RFX4: variants seen among roughly 807,000 people sequenced by gnomAD.
RFX4 encodes transcription factor RFX4.
RFX4 carries 10 observed loss-of-function variants against 95.0 expected under a neutral mutation model. The observed-to-expected ratio is 0.11, with a 90% CI of 0.06 to 0.18. The LOEUF (loss-of-function observed/expected upper bound fraction) is 0.18. RFX4 is among the 10% of genes least tolerant of loss of function. The pLI is 1.00. For missense variants in RFX4, 640 were observed against 922.0 expected, an observed-to-expected ratio of 0.69 and a Z score of 3.96; for synonymous variants, 321 against 340.7, an observed-to-expected ratio of 0.94 and a Z score of 0.64.
In RFX4 at chr12:106,682,096, A is replaced by G. The variant is rs200667832; in HGVS notation, c.377+42A>G. On this transcript the variant is annotated intron_variant, in intron 5 of 17. Transcript: ENST00000392842. ...CATTCCACCTGCAGAGCGCACATCT[A>G]TGGGCCTCGAGACAGGCCACACCCT... The G allele has an allele frequency of 6.7e-4, 1,078 of 1,603,568 alleles. 9 individuals carry two copies. The South Asian group carries it at 9.4e-3, about 14-fold the overall frequency.
At chr12:106,753,377 G>A (rs2043047183) in intron 17 of RFX4, among the ~76,000 whole-genome samples, 1 of 152,110 alleles carries the variant, frequency 6.6e-6, no homozygotes, top group South Asian at 2.1e-4. Flanking sequence ...ATTCCTGAAA[G>A]TACCACCTTG....
chr12:106,704,227 T>C (rs1295969336), intron 8 of RFX4, among the ~76,000 whole-genome samples: 5 of 152,178 alleles, frequency 3.3e-5, no homozygotes, highest in Non-Finnish European at 5.9e-5. Flanking sequence ...CTAGGGACTA[T>C]GCTAGTTCCT....
intron 8 of RFX4, among the ~76,000 whole-genome samples, chr12:106,699,937 T>C (rs1157229857): frequency 1.3e-5 from 2 of 152,150 alleles, no homozygotes; most frequent in Non-Finnish European, 1.5e-5. Flanking sequence ...TGTTTTCTAT[T>C]AGTTTCATCA....
intron 11 of RFX4, among the ~76,000 whole-genome samples, chr12:106,715,802 C>T (rs1250479353): frequency 6.6e-6 from 1 of 152,172 alleles, no homozygotes; most frequent in East Asian, 1.9e-4. Flanking sequence ...AAGGGCCCCA[C>T]ATGTGACCTG....
intron 3 of RFX4, among the ~76,000 whole-genome samples, chr12:106,645,310 C>G (rs1466920549): frequency 6.6e-6 from 1 of 152,056 alleles, no homozygotes; most frequent in East Asian, 1.9e-4. Context: ...GCAGCCTGTT[C>G]CGCAGTCCCG....
intron 17 of RFX4, among the ~76,000 whole-genome samples, chr12:106,753,391 C>A (rs1490931774): frequency 6.6e-6 from 1 of 152,110 alleles, no homozygotes; most frequent in Non-Finnish European, 1.5e-5. Flanking sequence ...CACCTTGAGT[C>A]CTCCAGGACC....
chr12:106,732,955 G>A lies in RFX4; in HGVS notation c.1503G>A (p.Glu501=), dbSNP rs752272678. ...TCCGAGAAGAGATCATCTTGACAGA[G>A]GCTGCCGCACCAACCCCTTCACCAG... The part of the protein sequence containing the change: ...AEVREEIILT[E]AAAPTPSPVP... Residue 501 remains glutamate (E), a synonymous_variant, in exon 15 of 18, where the codon GAG becomes GAA. Transcript: ENST00000392842. 12 of 1,614,074 alleles carry A rather than the reference G, an allele frequency of 7.4e-6. 1 individual carries two copies. In the South Asian group the frequency reaches 9.9e-5, roughly 13 times the overall value.
At chr12:106,625,320 T>C (rs1354088267) in intron 2 of RFX4, among the ~76,000 whole-genome samples, 1 of 152,234 alleles carries the variant, frequency 6.6e-6, no homozygotes, top group Non-Finnish European at 1.5e-5. Context: ...GATATGGGAC[T>C]GATATTTTTT....
intron 17 of RFX4, among the ~76,000 whole-genome samples, chr12:106,754,307 T>G (rs1177638221): frequency 6.6e-6 from 1 of 152,220 alleles, no homozygotes; most frequent in Non-Finnish European, 1.5e-5. Flanking sequence ...ATCCACTGCA[T>G]GACTGAGAAC....
Position 106,732,957 on chromosome 12 carries a change from C to A in RFX4, c.1505C>A (p.Ala502Asp). The A allele has an allele frequency of 3.7e-6, 6 of 1,614,172 alleles. No individual in the cohort carries two copies. The highest frequency in any genetic ancestry group is 5.1e-6 in the Non-Finnish European group (6 of 1,180,018). Residue 502 changes from alanine (A) to aspartate (D), a missense_variant, in exon 15 of 18, where the codon GCT becomes GAT. Around this residue, in one of 7 missense-constraint regions of RFX4, gnomAD observed 300 missense variants for 346.8 expected, o/e 0.87. Coordinates refer to ENST00000392842, the MANE Select transcript of RFX4 (RefSeq NM_213594.3). ...CGAGAAGAGATCATCTTGACAGAGG[C>A]TGCCGCACCAACCCCTTCACCAGTG... ...EVREEIILTE[A>D]AAPTPSPVPS...
intron 2 of RFX4, among the ~76,000 whole-genome samples, chr12:106,633,207 C>T (rs1271202799): frequency 6.6e-6 from 1 of 152,172 alleles, no homozygotes; most frequent in Admixed American, 6.5e-5. Flanking sequence ...TGGACAGCAC[C>T]TGTTTGCTGA....
chr12:106,617,918 G>A (rs934406138), intron 2 of RFX4, among the ~76,000 whole-genome samples: 10 of 152,060 alleles, frequency 6.6e-5, no homozygotes, highest in Non-Finnish European at 1.5e-5. Context: ...GTAGAGATGA[G>A]GTTTCACCAT....
intron 3 of RFX4, among the ~76,000 whole-genome samples, chr12:106,648,711 G>A (rs2040802467): frequency 6.9e-6 from 1 of 145,484 alleles, no homozygotes. Flanking sequence ...TGGGCACTTT[G>A]AACTGACGCA....
At chr12:106,758,273 C>T (rs2043145572) in intron 17 of RFX4, among the ~76,000 whole-genome samples, 1 of 152,184 alleles carries the variant, frequency 6.6e-6, no homozygotes, top group Non-Finnish European at 1.5e-5. Context: ...GCAGTGAGCA[C>T]TTCAGCTAAC....
At chr12:106,757,916 T>G (rs1049127459) in intron 17 of RFX4, among the ~76,000 whole-genome samples, 2 of 152,232 alleles carry the variant, frequency 1.3e-5, no homozygotes, top group African/African-American at 4.8e-5. Context: ...AGGCATCTGA[T>G]GAACGTTGGA....
At chr12:106,674,978 A>T (rs1393478785) in intron 4 of RFX4, among the ~76,000 whole-genome samples, 1 of 152,216 alleles carries the variant, frequency 6.6e-6, no homozygotes, top group Non-Finnish European at 1.5e-5. Context: ...TCAGGACTTT[A>T]TAGAGCTAAG....
At chr12:106,612,570 G>A (rs1249073599) in intron 2 of RFX4, among the ~76,000 whole-genome samples, 1 of 152,154 alleles carries the variant, frequency 6.6e-6, no homozygotes, top group African/African-American at 2.4e-5. Context: ...AGGTGTAGTG[G>A]CTTACACTTG....
intron 2 of RFX4, among the ~76,000 whole-genome samples, chr12:106,623,827 C>G (rs2040235048): frequency 6.6e-6 from 1 of 152,214 alleles, no homozygotes; most frequent in Non-Finnish European, 1.5e-5. Flanking sequence ...TTGTAAGAGA[C>G]AGAAACCTGA....
In RFX4 at chr12:106,720,012, C is replaced by T. The variant is rs761929242; in HGVS notation, c.1191C>T (p.Tyr397=). The stretch of plus-strand genomic sequence containing the variant: ...AGGAGCAGTCTCCCATCGAGTCCTA[C>T]ATTGAGTGGCTGGATACCATGGTTG... ...LLEEQSPIES[Y]IEWLDTMVDR... The change falls in exon 12 of 18, where the codon TAC becomes TAT. Residue 397 remains tyrosine (Y), a synonymous_variant. Coordinates refer to ENST00000392842, the MANE Select transcript of RFX4 (RefSeq NM_213594.3). This position sits in a 1 kb window ranked among gnomAD's most constrained non-coding sequence, Gnocchi z 4.2. 6.2e-7 allele frequency: 1 copy of T among 1,614,250 alleles called. No individual in the cohort carries two copies. The highest frequency in any genetic ancestry group is 8.5e-7 in the Non-Finnish European group (1 of 1,180,050).
Sources: allele counts gnomAD v4.1 joint callset (sites outside exome capture counted in the v4.1 genomes callset), GRCh38; gene constraint gnomAD v4.1.1; regional missense constraint gnomAD v4.1.1; non-coding constraint Gnocchi (gnomAD v3.1); transcripts MANE v1.5; gene names NCBI Gene and HGNC (gene_info 2026-07-23, HGNC 2026-07-21).